The following SDK1 variants were observed in gnomAD, a reference collection of about 807,000 sequenced individuals.
The protein encoded by SDK1 is sidekick cell adhesion molecule 1.
A neutral mutation model predicts 245.5 loss-of-function variants in SDK1; 157 were observed. The observed-to-expected ratio is 0.64, with a 90% CI of 0.56 to 0.73. The LOEUF is 0.73. SDK1 is among the 30% of genes least tolerant of loss of function. The pLI is 0.00. For synonymous variants in SDK1, 1,647 were observed against 1,278.5 expected (o/e 1.29, Z -6.15); for missense variants, 3,583 against 3,002.3 (o/e 1.19, Z -4.52).
intron 1 of SDK1, among the ~76,000 whole-genome samples, chr7:3,562,216 T>G (rs1297285243): frequency 6.6e-6 from 1 of 152,232 alleles, no homozygotes; most frequent in African/African-American, 2.4e-5. Context: ...TCTCCAAGGA[T>G]TCCAGACCGT....
chr7:3,479,987 C>T (rs1045121275), intron 1 of SDK1, among the ~76,000 whole-genome samples: 4 of 151,888 alleles, frequency 2.6e-5, no homozygotes, highest in Non-Finnish European at 4.4e-5. Flanking sequence ...AGAATAATGC[C>T]CCCTCACCTG....
At chr7:3,382,673 G>T (rs576060303) in intron 1 of SDK1, among the ~76,000 whole-genome samples, 27 of 152,210 alleles carry the variant, frequency 1.8e-4, no homozygotes, top group African/African-American at 6.3e-4. Context: ...TTTGATTAGC[G>T]ATGTTGCTTT....
At chr7:3,363,672 C>G (rs1332350281) in intron 1 of SDK1, among the ~76,000 whole-genome samples, 1 of 152,158 alleles carries the variant, frequency 6.6e-6, no homozygotes, top group Non-Finnish European at 1.5e-5. Flanking sequence ...TCACAAGAAG[C>G]ACGCAGTCTA....
At position 3,904,789 on chromosome 7, in the gene SDK1, C is replaced by T. The variant is rs555243840; in HGVS notation, c.848-46134C>T. ...AGGGGGGATCACAAGGTCAGGAGAT[C>T]GAGACCATCCTGGAGAACACAATAG... On this transcript the variant is annotated intron_variant, in intron 5 of 44. Transcript: ENST00000404826. Among the ~76,000 whole-genome samples the T allele has an allele frequency of 4.6e-5, 7 of 151,984 alleles. No individual in the cohort carries two copies. The East Asian group carries it at 5.8e-4, about 13-fold the overall frequency.
At chr7:4,078,320 T>C (rs1780827466) in intron 21 of SDK1, among the ~76,000 whole-genome samples, 1 of 152,140 alleles carries the variant, frequency 6.6e-6, no homozygotes, top group African/African-American at 2.4e-5. Context: ...GTGCTTGAAG[T>C]TTATCGCCAT....
chr7:3,568,594 T>C (rs777594082), intron 1 of SDK1, among the ~76,000 whole-genome samples: 23 of 152,328 alleles, frequency 1.5e-4, no homozygotes, highest in African/African-American at 3.1e-4. Flanking sequence ...TCCAAGGTTA[T>C]TGATCACTAC....
chr7:3,972,108 C>G (rs1240154419), intron 12 of SDK1, among the ~76,000 whole-genome samples: 1 of 145,412 alleles, frequency 6.9e-6, no homozygotes, highest in South Asian at 2.2e-4. Context: ...GAGACAGAGC[C>G]TTGCTCTGTC....
At chr7:4,195,556 C>A (rs952394577) in intron 35 of SDK1, among the ~76,000 whole-genome samples, 6 of 152,204 alleles carry the variant, frequency 3.9e-5, no homozygotes, top group Admixed American at 3.9e-4. Flanking sequence ...GTCTGCCTGG[C>A]ATCTCTGCCG....
chr7:4,173,721 G>A (rs1781995642), intron 32 of SDK1, among the ~76,000 whole-genome samples: 1 of 152,206 alleles, frequency 6.6e-6, no homozygotes, highest in African/African-American at 2.4e-5. Flanking sequence ...CCAGCCTGAG[G>A]ACTGAGTCCG....
chr7:3,683,575 C>T (rs1784177538), intron 4 of SDK1, among the ~76,000 whole-genome samples: 1 of 152,206 alleles, frequency 6.6e-6, no homozygotes, highest in African/African-American at 2.4e-5. Flanking sequence ...GCTCACGTTC[C>T]ATCCAGGTGG....
intron 43 of SDK1, among the ~76,000 whole-genome samples, chr7:4,243,887 G>A (rs141565954): frequency 9.2e-4 from 140 of 152,276 alleles, no homozygotes; most frequent in African/African-American, 3.1e-3. Flanking sequence ...TTAGAAATAC[G>A]GGCACAGTTG....
At chr7:4,150,305 A>G (rs1780272939) in intron 30 of SDK1, among the ~76,000 whole-genome samples, 1 of 152,122 alleles carries the variant, frequency 6.6e-6, no homozygotes, top group African/African-American at 2.4e-5. Context: ...GTCACTTGTT[A>G]CTGAGCTCAC....
At chr7:4,175,989 C>G (rs1350544258) in intron 34 of SDK1, among the ~76,000 whole-genome samples, 155 bp downstream of exon 34, 1 of 152,198 alleles carries the variant, frequency 6.6e-6, no homozygotes, top group African/African-American at 2.4e-5. Flanking sequence ...ACCAAACCAC[C>G]AGGGAGATAG....
chr7:4,000,130 G>A (rs893191215), intron 14 of SDK1, among the ~76,000 whole-genome samples: 1 of 152,322 alleles, frequency 6.6e-6, no homozygotes, highest in Admixed American at 6.5e-5. Flanking sequence ...CTGGGAAGGA[G>A]GGGGCCCAAG....
chr7:3,569,563 C>T (rs1267128918), intron 1 of SDK1, among the ~76,000 whole-genome samples: 1 of 152,214 alleles, frequency 6.6e-6, no homozygotes, highest in African/African-American at 2.4e-5. Context: ...GCCAGGGTGT[C>T]TGTGCCCACG....
chr7:3,662,605 T>C (rs565468413), intron 4 of SDK1, among the ~76,000 whole-genome samples: 1 of 152,244 alleles, frequency 6.6e-6, no homozygotes, highest in South Asian at 2.1e-4. Flanking sequence ...CTCACAGGCT[T>C]GGGTTCGGAG....
At chr7:3,863,804 G>C (rs1476925234) in intron 5 of SDK1, among the ~76,000 whole-genome samples, 1 of 152,180 alleles carries the variant, frequency 6.6e-6, no homozygotes, top group Non-Finnish European at 1.5e-5. Flanking sequence ...CCATCGTACG[G>C]ATGGACCCCA....
At chr7:3,463,311 C>G (rs1036696981) in intron 1 of SDK1, among the ~76,000 whole-genome samples, 2 of 151,954 alleles carry the variant, frequency 1.3e-5, no homozygotes, top group African/African-American at 2.4e-5. Flanking sequence ...AACTTTGGTG[C>G]TGAAAAATAC....
chr7:3,866,733 G>A (rs1230988468), intron 5 of SDK1, among the ~76,000 whole-genome samples: 2 of 152,176 alleles, frequency 1.3e-5, no homozygotes, highest in Admixed American at 1.3e-4. Flanking sequence ...GTTAGAGTGG[G>A]GAAGTGTACT....
Sources: gnomAD v4.1 joint callset for allele counts (sites outside exome capture counted in the v4.1 genomes callset) on GRCh38, gnomAD v4.1.1 for gene constraint, MANE v1.5 for transcripts, NCBI Gene and HGNC (gene_info 2026-07-23, HGNC 2026-07-21) for gene names.